Variants in ETV6 observed in about 807,000 individuals in gnomAD.
ETV6 encodes the protein ETS variant transcription factor 6.
In ETV6, 16 loss-of-function variants were observed where a neutral mutation model predicts 51.1. That is an observed-to-expected ratio of 0.31 (90% CI 0.21 to 0.48). The LOEUF (loss-of-function observed/expected upper bound fraction) is 0.48, where lower values mean the gene tolerates loss of function less well. ETV6 is among the 20% of genes least tolerant of loss of function. The pLI is 0.99. For synonymous variants in ETV6, 240 were observed against 224.1 expected, an observed-to-expected ratio of 1.07 and a Z score of -0.64; for missense variants, 458 against 594.8, an observed-to-expected ratio of 0.77 and a Z score of 2.39.
intron 2 of ETV6, among the ~76,000 whole-genome samples, chr12:11,821,315 G>A (rs961949369): frequency 7.9e-5 from 12 of 152,250 alleles, no homozygotes; most frequent in East Asian, 3.9e-4. Flanking sequence ...ACAGTGAGCC[G>A]AGATGGCGCC....
At chr12:11,752,313 G>A (rs1269175942) in intron 1 of ETV6, 137 bp from the exon 2 acceptor site, 14 of 843,010 alleles carry the variant, frequency 1.7e-5, no homozygotes, top group Non-Finnish European at 2.3e-5. Flanking sequence ...GAGAGAGTAA[G>A]CCGGATTGCT....
At chr12:11,871,274 C>T (rs1255839219) in intron 5 of ETV6, among the ~76,000 whole-genome samples, 1 of 151,286 alleles carries the variant, frequency 6.6e-6, no homozygotes, top group African/African-American at 2.4e-5. Context: ...CTGCAAGCTC[C>T]GCCTCCCGGG....
At chr12:11,850,776 A>G (rs1946542131) in intron 3 of ETV6, among the ~76,000 whole-genome samples, 1 of 152,226 alleles carries the variant, frequency 6.6e-6, no homozygotes, top group African/African-American at 2.4e-5. Context: ...ACTCCAGAGC[A>G]TGGCCTCTTC....
chr12:11,819,224 T>C (rs1008451761), intron 2 of ETV6, among the ~76,000 whole-genome samples: 4 of 152,226 alleles, frequency 2.6e-5, no homozygotes, highest in Admixed American at 2.0e-4. Flanking sequence ...TTTCTACGCC[T>C]GCTGCCCCTC....
At chr12:11,856,452 G>C (rs559480160) in intron 4 of ETV6, among the ~76,000 whole-genome samples, 3 of 152,174 alleles carry the variant, frequency 2.0e-5, no homozygotes, top group Non-Finnish European at 4.4e-5. Flanking sequence ...ATGTCCGGGC[G>C]CATGTGCTCC....
rs374487849 is a variant in ETV6 at position 11,749,236 on chromosome 12, TTTAA to T, written c.34-3210_34-3207del. Among the ~76,000 whole-genome samples the T allele has an allele frequency of 1.7e-4, 26 of 151,632 alleles. 1 individual carries two copies. In the East Asian group the frequency reaches 1.7e-3, roughly 10 times the overall value. On this transcript the variant is annotated intron_variant, in intron 1 of 7. Transcript: ENST00000396373. ...AATATCACTGTCTGTAGCATTTTAA[TTTAA>T]TTAGAGCAGCGGTTATAATCCTCTT...
chr12:11,808,533 A>G (rs1945864885), intron 2 of ETV6, among the ~76,000 whole-genome samples: 1 of 152,236 alleles, frequency 6.6e-6, no homozygotes, highest in African/African-American at 2.4e-5. Context: ...TTTACATTGT[A>G]TTCGTTACAA....
chr12:11,878,743 C>T (rs919476140), intron 5 of ETV6, among the ~76,000 whole-genome samples: 18 of 150,474 alleles, frequency 1.2e-4, no homozygotes, highest in African/African-American at 4.2e-4. Context: ...CACACCTCTG[C>T]GTATCAACAC....
chr12:11,735,086 CT>C lies in ETV6; in HGVS notation c.34-17338del, dbSNP rs58797937. Among the ~76,000 whole-genome samples the C allele has an allele frequency of 9.3e-3, 707 of 76,176 alleles. 9 individuals are homozygous for C. The highest frequency in any genetic ancestry group is 0.037 in the African/African-American group (654 of 17,674). 50.0% of individuals were successfully genotyped at this position (76,176 alleles called of 152,430 possible). On this transcript the variant is annotated intron_variant, in intron 1 of 7. Coordinates refer to ENST00000396373, the MANE Select transcript of ETV6 (RefSeq NM_001987.5). The stretch of plus-strand genomic sequence containing the variant: ...AAAGGTGCAAAGGTGGCAAGGTGGC[CT>C]TTTTTTTTTTTTTTTTTTTTTTTTT...
intron 2 of ETV6, among the ~76,000 whole-genome samples, chr12:11,827,247 G>A (rs1332482063): frequency 3.3e-5 from 5 of 152,036 alleles, no homozygotes; most frequent in Admixed American, 6.5e-5. Flanking sequence ...TCTGCCCCGC[G>A]AAATGCTGAA....
At chr12:11,724,298 T>C (rs10845407) in intron 1 of ETV6, among the ~76,000 whole-genome samples, 52,785 of 152,058 alleles carry the variant, frequency 0.35, 9,570 homozygotes, top group East Asian at 0.45. Context: ...GGCAGGCAGC[T>C]CCCAGAGAAA....
intron 1 of ETV6, among the ~76,000 whole-genome samples, chr12:11,652,133 T>C (rs148189492): frequency 3.5e-3 from 539 of 152,382 alleles, no homozygotes; most frequent in Non-Finnish European, 6.1e-3. Context: ...TTTTCATTAC[T>C]GTGTACTTCT....
At chr12:11,864,054 G>T (rs922982732) in intron 4 of ETV6, among the ~76,000 whole-genome samples, 1 of 152,212 alleles carries the variant, frequency 6.6e-6, no homozygotes, top group African/African-American at 2.4e-5. Flanking sequence ...TCCTGTTCCT[G>T]CCTGGATCCT....
Position 11,893,235 on chromosome 12 carries a change from T to C in ETV6, c.*2189T>C, listed in dbSNP as rs1302596962. The C allele has an allele frequency of 8.6e-6, 2 of 232,516 alleles. No individual in the cohort carries two copies. 14.4% of individuals were successfully genotyped at this position (232,516 alleles called of 1,614,324 possible). A position where few individuals can be genotyped will look rare whatever the true frequency, so the allele number is the denominator to read the frequency against. ...GATTTTAAGAATGGAGAGAAAGGGA[T>C]TTTTTACTGCATCCCTCTGTATGAA... On this transcript the variant is annotated 3_prime_UTR_variant, in exon 8 of 8. Transcript: ENST00000396373.
At chr12:11,799,580 C>T (rs578061792) in intron 2 of ETV6, among the ~76,000 whole-genome samples, 7 of 152,062 alleles carry the variant, frequency 4.6e-5, no homozygotes, top group Admixed American at 6.5e-5. Context: ...GGAACTGTTA[C>T]GAAAAAAGAG....
At chr12:11,696,091 TAG>T (rs897273239) in intron 1 of ETV6, among the ~76,000 whole-genome samples, 4 of 151,926 alleles carry the variant, frequency 2.6e-5, no homozygotes, top group African/African-American at 4.8e-5. Flanking sequence ...AGGAGAAAAA[TAG>T]AGAGTTTATT....
At position 11,892,210 on chromosome 12, in the gene ETV6, A is replaced by ATTTTTTTTTTTTTTTTTTTTTT. The variant is rs35812814; in HGVS notation, c.*1166_*1187dup. 6.3e-5 allele frequency: 9 copies of ATTTTTTTTTTTTTTTTTTTTTT among 142,252 alleles called. No individual in the cohort carries two copies. The highest frequency in any genetic ancestry group is 3.8e-4 in the African/African-American group (9 of 23,876). 8.8% of individuals were successfully genotyped at this position (142,252 alleles called of 1,614,324 possible). On this transcript the variant is annotated 3_prime_UTR_variant, in exon 8 of 8. Transcript: ENST00000396373. ...GTGGTCAGTTTCATGCCCTCACCTGATTTTTTTTTTTTTTTTTTTTTTTCA... is the reference window on the plus strand; with the variant it reads ...GTGGTCAGTTTCATGCCCTCACCTGATTTTTTTTTTTTTTTTTTTTTTTTTTTTTTTTTTTTTTTTTTTTTCA...
intron 5 of ETV6, among the ~76,000 whole-genome samples, chr12:11,874,500 GTGTA>G: frequency 1.8e-5 from 1 of 56,464 alleles, no homozygotes; most frequent in African/African-American, 5.2e-5. Context: ...ACACACATAT[GTGTA>G]TGTGCGTGTG....
intron 2 of ETV6, among the ~76,000 whole-genome samples, chr12:11,791,262 G>A (rs1026890104): frequency 6.6e-6 from 1 of 151,874 alleles, no homozygotes; most frequent in African/African-American, 2.4e-5. Context: ...CTTTGTCCTT[G>A]TAGATTTGTG....
Sources: gnomAD v4.1 joint callset for allele counts (sites outside exome capture counted in the v4.1 genomes callset) on GRCh38, gnomAD v4.1.1 for gene constraint, MANE v1.5 for transcripts, NCBI Gene and HGNC (gene_info 2026-07-23, HGNC 2026-07-21) for gene names.